ARHGAP15: variants seen among roughly 807,000 people sequenced by gnomAD.
ARHGAP15 encodes rho GTPase-activating protein 15.
A neutral mutation model predicts 63.7 loss-of-function variants in ARHGAP15; 51 were observed. The observed-to-expected ratio is 0.80, with a 90% CI of 0.64 to 1.01. ARHGAP15 has a LOEUF of 1.01. Ranked by LOEUF, ARHGAP15 falls within the 50% of genes least tolerant of loss-of-function variation. ARHGAP15 has a pLI of 0.00. For synonymous variants in ARHGAP15, 191 were observed against 193.8 expected, an observed-to-expected ratio of 0.99 and a Z score of 0.12; for missense variants, 560 against 564.6, an observed-to-expected ratio of 0.99 and a Z score of 0.08.
chr2:143,644,571 C>T (rs1380708676), intron 12 of ARHGAP15, among the ~76,000 whole-genome samples: 1 of 152,014 alleles, frequency 6.6e-6, no homozygotes, highest in Non-Finnish European at 1.5e-5. Context: ...GTATCATGTT[C>T]TGAGCCCCAA....
chr2:143,207,064 T>C (rs1450303406), intron 3 of ARHGAP15, among the ~76,000 whole-genome samples: 2 of 151,720 alleles, frequency 1.3e-5, no homozygotes, highest in South Asian at 2.1e-4. Context: ...AATTAATTTT[T>C]ATATAATTTT....
intron 13 of ARHGAP15, among the ~76,000 whole-genome samples, chr2:143,730,953 G>A (rs1173669493): frequency 8.2e-5 from 8 of 96,972 alleles, no homozygotes; most frequent in East Asian, 7.3e-4. Flanking sequence ...TTTTGATTCA[G>A]TGTGCACAGA....
chr2:143,217,751 T>G (rs1432795655), intron 4 of ARHGAP15, among the ~76,000 whole-genome samples: 6 of 152,020 alleles, frequency 3.9e-5, no homozygotes, highest in Non-Finnish European at 2.9e-5. Context: ...CTCCCCAAGA[T>G]GAGTAAGTCA....
At chr2:143,261,327 T>TTTTG (rs1680706601) in intron 6 of ARHGAP15, among the ~76,000 whole-genome samples, 1 of 72,658 alleles carries the variant, frequency 1.4e-5, no homozygotes, top group Non-Finnish European at 2.5e-5. Flanking sequence ...GGAATGACCT[T>TTTTG]TTTTTTTTTT....
At chr2:143,577,434 A>T (rs974077272) in intron 11 of ARHGAP15, among the ~76,000 whole-genome samples, 1 of 152,128 alleles carries the variant, frequency 6.6e-6, no homozygotes, top group Non-Finnish European at 1.5e-5. Context: ...AGGGACAAAA[A>T]CCAAAGGATT....
In ARHGAP15 at chr2:143,749,647, C is replaced by T. The variant is rs80051719; in HGVS notation, c.1245-18342C>T. 3.1e-4 allele frequency among the ~76,000 whole-genome samples: 47 copies of T among 152,276 alleles called. 2 individuals carry two copies. In the East Asian group the frequency reaches 6.6e-3, roughly 21 times the overall value. On this transcript the variant is annotated intron_variant, in intron 13 of 13. Coordinates refer to ENST00000295095, the MANE Select transcript of ARHGAP15 (RefSeq NM_018460.4). ...AGTTTCACCCCTTACTAAAAGCACA[C>T]AAATCATATGATTTAGTGCTAATGG...
intron 6 of ARHGAP15, among the ~76,000 whole-genome samples, chr2:143,419,333 T>C (rs1159007210): frequency 1.3e-5 from 2 of 152,176 alleles, no homozygotes; most frequent in African/African-American, 2.4e-5. Flanking sequence ...AAATGATTAG[T>C]AATGCATTTC....
At chr2:143,417,749 C>T (rs1011614961) in intron 6 of ARHGAP15, among the ~76,000 whole-genome samples, 1 of 152,060 alleles carries the variant, frequency 6.6e-6, no homozygotes, top group African/African-American at 2.4e-5. Context: ...CTTCTGCACT[C>T]AAAGTTATAG....
intron 12 of ARHGAP15, among the ~76,000 whole-genome samples, chr2:143,659,746 G>A (rs551209439): frequency 1.1e-4 from 17 of 152,132 alleles, no homozygotes; most frequent in Non-Finnish European, 1.9e-4. Context: ...AAGACTTCTG[G>A]TTTGTTTCTA....
In ARHGAP15 at chr2:143,216,364, CA is replaced by C; in HGVS notation, c.235-19del. The C allele has an allele frequency of 3.1e-6, 5 of 1,593,564 alleles. No homozygotes were observed. The highest frequency in any genetic ancestry group is 4.3e-6 in the Non-Finnish European group (5 of 1,164,508). On this transcript the variant is annotated intron_variant, in intron 3 of 13. Coordinates refer to ENST00000295095, the MANE Select transcript of ARHGAP15 (RefSeq NM_018460.4). ...GCATAGTAGTTTGTCACGGTTTTAA[CA>C]TATGCATTCTTCTTGCAGATGGTTG... is the stretch of plus-strand genomic sequence containing the variant.
At chr2:143,240,332 T>C (rs1488121259) in intron 5 of ARHGAP15, among the ~76,000 whole-genome samples, 1 of 152,106 alleles carries the variant, frequency 6.6e-6, no homozygotes, top group Admixed American at 6.6e-5. Flanking sequence ...AACAACAAAA[T>C]GAACTTATTT....
rs527444166 is a variant in ARHGAP15 at position 143,713,791 on chromosome 2, C to T, written c.1244+10267C>T. Among the ~76,000 whole-genome samples the T allele has an allele frequency of 2.0e-5, 3 of 152,324 alleles. No homozygotes were observed. The South Asian group carries it at 6.2e-4, about 32-fold the overall frequency. On this transcript the variant is annotated intron_variant, in intron 13 of 13. Coordinates refer to ENST00000295095, the MANE Select transcript of ARHGAP15 (RefSeq NM_018460.4). ...AAATTTTAAAGCTCCAAAATGATCT[C>T]CTTTGACTCCAGGTCTCACATTCAG...
intron 6 of ARHGAP15, among the ~76,000 whole-genome samples, chr2:143,417,036 C>A (rs888767928): frequency 3.9e-5 from 6 of 152,034 alleles, no homozygotes; most frequent in African/African-American, 1.4e-4. Context: ...GTGCTCCTTT[C>A]CTTTTTTGCT....
intron 1 of ARHGAP15, among the ~76,000 whole-genome samples, chr2:143,134,445 T>C (rs779649085): frequency 5.9e-5 from 9 of 152,172 alleles, no homozygotes; most frequent in Non-Finnish European, 1.3e-4. Context: ...CTATTATGGT[T>C]AAAATTGATC....
Position 143,556,462 on chromosome 2 carries a change from A to C in ARHGAP15, c.980A>C (p.Lys327Thr). Residue 327 changes from lysine to threonine, a missense_variant, in exon 11 of 14, where the codon AAG becomes ACG. By Grantham distance (78) the Lys-to-Thr change is moderately conservative. Coordinates refer to ENST00000295095, the MANE Select transcript of ARHGAP15 (RefSeq NM_018460.4). ...RVSGNLATIQKLRFIVNQEEK... is the reference protein window; with the variant it reads ...RVSGNLATIQTLRFIVNQEEK... ...AGTGGCAATCTGGCAACAATACAGA[A>C]GTTAAGATTTATTGTCAACCAAGGT... 1 of 1,612,174 alleles carries C rather than the reference A, an allele frequency of 6.2e-7. No homozygotes were observed. Among genetic ancestry groups the C allele is most frequent in the Non-Finnish European group, 8.5e-7 (1 of 1,178,764 alleles).
chr2:143,579,800 A>T (rs1696820442), intron 11 of ARHGAP15, among the ~76,000 whole-genome samples: 1 of 151,856 alleles, frequency 6.6e-6, no homozygotes, highest in South Asian at 2.1e-4. Flanking sequence ...AAGAATTAAG[A>T]TTCTGAACTT....
At chr2:143,571,604 A>G (rs532287253) in intron 11 of ARHGAP15, among the ~76,000 whole-genome samples, 1 of 152,234 alleles carries the variant, frequency 6.6e-6, no homozygotes, top group Admixed American at 6.5e-5. Context: ...ATTCCCTTTA[A>G]ATAGCAGCAG....
chr2:143,642,500 T>C (rs1293145812), intron 12 of ARHGAP15, among the ~76,000 whole-genome samples: 1 of 152,084 alleles, frequency 6.6e-6, no homozygotes, highest in Non-Finnish European at 1.5e-5. Context: ...TTGGGAACCA[T>C]TGATTTTGGT....
At chr2:143,524,213 A>AT (rs61603193) in intron 10 of ARHGAP15, among the ~76,000 whole-genome samples, 1 of 151,818 alleles carries the variant, frequency 6.6e-6, no homozygotes, top group Non-Finnish European at 1.5e-5. Flanking sequence ...CAGCTGTTAT[A>AT]TTTTTTTTGC....
Sources: allele counts gnomAD v4.1 joint callset (sites outside exome capture counted in the v4.1 genomes callset), GRCh38; gene constraint gnomAD v4.1.1; transcripts MANE v1.5; gene names NCBI Gene and HGNC (gene_info 2026-07-23, HGNC 2026-07-21).